The following CYP4X1 variants were observed in gnomAD, a reference collection of about 807,000 sequenced individuals.
The protein encoded by CYP4X1 is cytochrome P450 4X1.
CYP4X1 carries 44 observed loss-of-function variants against 57.9 expected under a neutral mutation model. That is an observed-to-expected ratio of 0.76 (90% confidence interval 0.60 to 0.98). CYP4X1 has a LOEUF of 0.98. Ranked by LOEUF, CYP4X1 falls within the 50% of genes least tolerant of loss-of-function variation. The pLI, the probability that CYP4X1 is intolerant of heterozygous loss-of-function variation, is 0.00. For missense variants in CYP4X1, 532 were observed against 623.9 expected, an observed-to-expected ratio of 0.85 and a Z score of 1.57; for synonymous variants, 227 against 228.6, an observed-to-expected ratio of 0.99 and a Z score of 0.06.
the CYP4X1 span, among the ~76,000 whole-genome samples, chr1:47,006,796 G>C: frequency 6.6e-6 from 1 of 152,218 alleles, no homozygotes; most frequent in Non-Finnish European, 1.5e-5. Context: ...CCTGCGACTG[G>C]CTTGGAGGGT....
At chr1:46,999,520 A>G in the CYP4X1 span, among the ~76,000 whole-genome samples, 3 of 152,098 alleles carry the variant, frequency 2.0e-5, no homozygotes, top group Admixed American at 2.0e-4. Flanking sequence ...TCAAATAACC[A>G]ACTTTTCACA....
the CYP4X1 span, chr1:46,961,825 C>A: frequency 8.1e-7 from 1 of 1,240,624 alleles, no homozygotes; most frequent in Non-Finnish European, 1.1e-6. Context: ...CTCTGCCCTG[C>A]CCTACTTAGT....
the CYP4X1 span, among the ~76,000 whole-genome samples, chr1:47,008,701 T>A: frequency 6.6e-6 from 1 of 152,028 alleles, no homozygotes; most frequent in Non-Finnish European, 1.5e-5. Flanking sequence ...GAGACACACA[T>A]AGGCTCAAAA....
chr1:47,039,771 G>C, intron 8 of CYP4X1: 1 of 310,904 alleles, frequency 3.2e-6, no homozygotes, highest in South Asian at 1.1e-4. Flanking sequence ...AATCAATGGT[G>C]TGTGAAATGT....
chr1:47,033,369 G>T lies in CYP4X1; in HGVS notation c.492+1G>T. On this transcript the variant is annotated splice_donor_variant, in intron 4 of 11. Coordinates refer to ENST00000371901, the MANE Select transcript of CYP4X1 (RefSeq NM_178033.2). LOFTEE classifies it high-confidence loss of function. ...GGCTCATTCTGTGAAAATGATGCTG[G>T]TAAGTAAAGGGGGAAAGTGCTCTGT... The T allele has an allele frequency of 1.2e-6, 2 of 1,613,644 alleles. No individual in the cohort carries two copies. Among genetic ancestry groups the T allele is most frequent in the Non-Finnish European group, 8.5e-7 (1 of 1,179,712 alleles).
At chr1:46,974,034 A>C in the CYP4X1 span, among the ~76,000 whole-genome samples, 12 of 151,880 alleles carry the variant, frequency 7.9e-5, no homozygotes, top group Admixed American at 5.9e-4. Context: ...CAGATCTTTT[A>C]ACTTTTTCAT....
the CYP4X1 span, among the ~76,000 whole-genome samples, chr1:47,004,435 CCTCT>C: frequency 2.0e-5 from 3 of 151,604 alleles, no homozygotes; most frequent in Non-Finnish European, 2.9e-5. Context: ...GGAATCTCTC[CCTCT>C]CTCTCTCTTT....
At chr1:47,023,518 G>A (rs933577856), upstream of CYP4X1, 18 of 1,146,514 alleles carry the variant, frequency 1.6e-5, no homozygotes, top group Non-Finnish European at 1.7e-5. Flanking sequence ...TATAAATTCA[G>A]ATCCCGTGAC....
At chr1:47,005,765 A>AT in the CYP4X1 span, among the ~76,000 whole-genome samples, 1 of 152,224 alleles carries the variant, frequency 6.6e-6, no homozygotes, top group African/African-American at 2.4e-5. Flanking sequence ...GTCAGCATAC[A>AT]TTTTGTCTGA....
At chr1:47,054,155 G>C (rs1302795438), downstream of CYP4X1, among the ~76,000 whole-genome samples, 1 of 151,300 alleles carries the variant, frequency 6.6e-6, no homozygotes, top group Non-Finnish European at 1.5e-5. Flanking sequence ...AGTTTTCCCA[G>C]CACCGTTTAT....
At chr1:47,007,187 AGACT>A in the CYP4X1 span, among the ~76,000 whole-genome samples, 1 of 152,248 alleles carries the variant, frequency 6.6e-6, no homozygotes, top group African/African-American at 2.4e-5. Context: ...CAGTAGGGGC[AGACT>A]GACACCTCAC....
chr1:47,012,014 A>G, the CYP4X1 span, among the ~76,000 whole-genome samples: 1 of 152,346 alleles, frequency 6.6e-6, no homozygotes, highest in Non-Finnish European at 1.5e-5. Context: ...TTCCTCAAGG[A>G]TCTAGAACTA....
chr1:47,023,626 A>G (rs1475372166), upstream of CYP4X1: 35 of 1,327,390 alleles, frequency 2.6e-5, no homozygotes, highest in Non-Finnish European at 3.2e-5. Flanking sequence ...GAAATCCCGC[A>G]CGCGCGCCTG....
At chr1:47,016,700 T>C in the CYP4X1 span, among the ~76,000 whole-genome samples, 5 of 151,636 alleles carry the variant, frequency 3.3e-5, no homozygotes, top group African/African-American at 1.2e-4. Context: ...CAATGCATAA[T>C]AATCACATTG....
chr1:46,988,651 C>A, the CYP4X1 span, among the ~76,000 whole-genome samples: 898 of 152,236 alleles, frequency 5.9e-3, 12 homozygotes, highest in African/African-American at 0.02. Flanking sequence ...TACTGGCAAA[C>A]CGAATCCAGC....
chr1:46,962,949 A>C, the CYP4X1 span, among the ~76,000 whole-genome samples: 1 of 152,200 alleles, frequency 6.6e-6, no homozygotes, highest in Non-Finnish European at 1.5e-5. Flanking sequence ...TATTGGGTGC[A>C]TATATATTTA....
chr1:47,048,868 A>T (rs1405906871), intron 10 of CYP4X1, among the ~76,000 whole-genome samples: 1 of 152,224 alleles, frequency 6.6e-6, no homozygotes, highest in Non-Finnish European at 1.5e-5. Flanking sequence ...TTGTAACAGG[A>T]AGCTGGAGTA....
At chr1:46,979,228 G>A in the CYP4X1 span, among the ~76,000 whole-genome samples, 1 of 152,032 alleles carries the variant, frequency 6.6e-6, no homozygotes, top group Non-Finnish European at 1.5e-5. Flanking sequence ...TAGACCACTA[G>A]CAAGACTAAT....
chr1:47,009,945 G>C, the CYP4X1 span, among the ~76,000 whole-genome samples: 1 of 152,166 alleles, frequency 6.6e-6, no homozygotes, highest in African/African-American at 2.4e-5. Context: ...AAAAAGTCCA[G>C]CACCAGATGG....
Sources: gnomAD v4.1 joint callset for allele counts (sites outside exome capture counted in the v4.1 genomes callset) on GRCh38, gnomAD v4.1.1 for gene constraint, MANE v1.5 for transcripts, NCBI Gene and HGNC (gene_info 2026-07-23, HGNC 2026-07-21) for gene names.